The following CCDC149 variants were observed in gnomAD, a reference collection of about 807,000 sequenced individuals.
CCDC149 encodes coiled-coil domain-containing protein 149.
Under a neutral mutation model 59.9 loss-of-function variants are expected in CCDC149, and 45 were observed. The observed-to-expected ratio is 0.75, with a 90% confidence interval of 0.59 to 0.96. The LOEUF is 0.96. CCDC149 is among the 40% of genes least tolerant of loss of function. CCDC149 has a pLI of 0.00. For missense variants in CCDC149, 584 were observed against 664.7 expected (o/e 0.88, Z 1.33); for synonymous variants, 245 against 260.6 (o/e 0.94, Z 0.58).
Position 24,853,105 on chromosome 4 carries a change from C to A in CCDC149, c.339G>T (p.Gln113His). Residue 113 changes from glutamine to histidine, a missense_variant, in exon 4 of 13, where the codon CAG (glutamine) becomes CAT (histidine). Gln to His is a conservative substitution (Grantham distance 24). Transcript: ENST00000635206. ...CGCCCTGGACTTCTCCAAGCCTTTGCTGAAGTTCTTTAATTTCTTCTCCCA... is the reference window on the plus strand; with the variant it reads ...CGCCCTGGACTTCTCCAAGCCTTTGATGAAGTTCTTTAATTTCTTCTCCCA... 6.2e-7 allele frequency: 1 copy of A among 1,613,618 alleles called. No individual in the cohort carries two copies. Among genetic ancestry groups the A allele is most frequent in the Non-Finnish European group, 8.5e-7 (1 of 1,179,560 alleles).
rs1481909781 is a variant in CCDC149 at position 24,837,177 on chromosome 4, T to G, written c.662+51A>C. ...GCAAATAACTCCCAGCCTGCAGGCC[T>G]GTGCAGAGCCAGCCTTCCTCCCACG... On this transcript the variant is annotated intron_variant, in intron 6 of 12. Coordinates refer to ENST00000635206, the MANE Select transcript of CCDC149 (RefSeq NM_001330643.2). The surrounding 1 kb of genome is among the most constrained non-coding windows in gnomAD (Gnocchi z 4.3). 1.9e-6 allele frequency: 3 copies of G among 1,568,022 alleles called. No individual in the cohort carries two copies. The highest frequency in any genetic ancestry group is 4.5e-5 in the East Asian group (2 of 44,410).
chr4:24,824,538 G>A (rs906117284), intron 9 of CCDC149, among the ~76,000 whole-genome samples: 3 of 152,120 alleles, frequency 2.0e-5, no homozygotes, highest in Non-Finnish European at 4.4e-5. Flanking sequence ...TGGTGTACAT[G>A]GTATTGTTAT....
intron 1 of CCDC149, among the ~76,000 whole-genome samples, chr4:24,883,628 G>A (rs1455762048): frequency 6.6e-6 from 1 of 152,120 alleles, no homozygotes; most frequent in African/African-American, 2.4e-5. Flanking sequence ...TCCCTGCTCT[G>A]CCCACCGCCT....
upstream of CCDC149, among the ~76,000 whole-genome samples, chr4:24,915,846 T>C (rs1722108615): frequency 6.6e-6 from 1 of 152,204 alleles, no homozygotes; most frequent in African/African-American, 2.4e-5. Flanking sequence ...TAGCCTGACA[T>C]TGAGTAATAA....
intron 1 of CCDC149, among the ~76,000 whole-genome samples, chr4:24,883,912 T>C (rs1386231055): frequency 2.6e-5 from 4 of 152,166 alleles, no homozygotes. Flanking sequence ...ACCAGAACTT[T>C]CCATTACACA....
chr4:24,918,070 T>C (rs1454425447), intron 1 of CCDC149, among the ~76,000 whole-genome samples: 1 of 151,954 alleles, frequency 6.6e-6, no homozygotes. Context: ...CTGATGAATG[T>C]CTAAAATAGG....
intron 3 of CCDC149, among the ~76,000 whole-genome samples, chr4:24,857,449 T>A (rs1718091343): frequency 6.6e-6 from 1 of 152,246 alleles, no homozygotes; most frequent in Non-Finnish European, 1.5e-5. Context: ...TCAATTTCTG[T>A]ATGTATCTTG....
intron 1 of CCDC149, among the ~76,000 whole-genome samples, chr4:24,931,635 C>G (rs1722589672): frequency 6.6e-6 from 1 of 151,164 alleles, no homozygotes; most frequent in Non-Finnish European, 1.5e-5. Flanking sequence ...GTCACATGAC[C>G]CTAATTGCAA....
At chr4:24,937,417 T>C (rs552467614) in intron 1 of CCDC149, among the ~76,000 whole-genome samples, 2 of 152,344 alleles carry the variant, frequency 1.3e-5, no homozygotes, top group African/African-American at 2.4e-5. Context: ...CACGATAGAC[T>C]AGGCTATGCT....
At chr4:24,816,411 A>AC (rs1412603302) in intron 12 of CCDC149, among the ~76,000 whole-genome samples, 1 of 152,040 alleles carries the variant, frequency 6.6e-6, no homozygotes, top group Non-Finnish European at 1.5e-5. Context: ...TCCAAAAGAT[A>AC]CCCCAAAATT....
chr4:24,819,446 G>A (rs913395029), intron 12 of CCDC149, among the ~76,000 whole-genome samples: 1 of 152,122 alleles, frequency 6.6e-6, no homozygotes, highest in African/African-American at 2.4e-5. Flanking sequence ...TCAGCCTCCT[G>A]AGTAGCTGGG....
At chr4:24,812,090 T>C (rs143974613) in intron 12 of CCDC149, among the ~76,000 whole-genome samples, 1 of 152,286 alleles carries the variant, frequency 6.6e-6, no homozygotes, top group Non-Finnish European at 1.5e-5. Flanking sequence ...AAAGGATACA[T>C]GATATTGCAT....
intron 1 of CCDC149, among the ~76,000 whole-genome samples, chr4:24,978,301 T>C (rs1304106189): frequency 1.3e-5 from 2 of 152,124 alleles, no homozygotes; most frequent in Non-Finnish European, 2.9e-5. Context: ...AATATAAATA[T>C]CCTATTAATA....
At chr4:24,879,577 T>C (rs567415205) in intron 1 of CCDC149, among the ~76,000 whole-genome samples, 2 of 147,892 alleles carry the variant, frequency 1.4e-5, no homozygotes, top group South Asian at 2.2e-4. Context: ...CCCAGCTACT[T>C]GGGAGGCTGA....
chr4:24,821,200 G>T, intron 10 of CCDC149, 113 bp from the exon 11 acceptor site: 1 of 434,378 alleles, frequency 2.3e-6, no homozygotes. Flanking sequence ...GTTCACTCGA[G>T]TAACTTCCAT....
intron 1 of CCDC149, among the ~76,000 whole-genome samples, chr4:24,954,929 A>G (rs370795412): frequency 6.6e-6 from 1 of 152,130 alleles, no homozygotes; most frequent in Admixed American, 6.5e-5. Flanking sequence ...GAATTTTTAA[A>G]ATTTCTACAT....
chr4:24,905,592 C>T (rs913029820), intron 1 of CCDC149, among the ~76,000 whole-genome samples: 1 of 151,358 alleles, frequency 6.6e-6, no homozygotes, highest in Non-Finnish European at 1.5e-5. Context: ...CGTGCCACCA[C>T]GCCCAGCTAA....
At chr4:24,894,936 G>A in intron 1 of CCDC149, 2 of 1,532,902 alleles carry the variant, frequency 1.3e-6, no homozygotes, top group Non-Finnish European at 1.7e-6. Flanking sequence ...GAAAAATACA[G>A]CAGGTATTTA....
intron 1 of CCDC149, among the ~76,000 whole-genome samples, chr4:24,971,128 G>T (rs1301818858): frequency 6.6e-6 from 1 of 152,206 alleles, no homozygotes; most frequent in Non-Finnish European, 1.5e-5. Flanking sequence ...CCTGCAAAGG[G>T]TCTCATGGGA....
Sources: gnomAD v4.1 joint callset for allele counts (sites outside exome capture counted in the v4.1 genomes callset) on GRCh38, gnomAD v4.1.1 for gene constraint, Gnocchi (gnomAD v3.1) non-coding constraint, MANE v1.5 for transcripts, NCBI Gene and HGNC (gene_info 2026-07-23, HGNC 2026-07-21) for gene names.